TBC1D9: variants seen among roughly 807,000 people sequenced by gnomAD.
TBC1D9 encodes the protein TBC1 domain family member 9A.
A neutral mutation model predicts 132.0 loss-of-function variants in TBC1D9; 63 were observed. That is an observed-to-expected ratio of 0.48 (90% CI 0.39 to 0.59). TBC1D9 has a LOEUF of 0.59. Ranked by LOEUF, TBC1D9 falls within the 20% of genes least tolerant of loss-of-function variation. The pLI, the probability that TBC1D9 is intolerant of heterozygous loss-of-function variation, is 0.00. For missense variants in TBC1D9, 1,261 were observed against 1,592.7 expected, an observed-to-expected ratio of 0.79 and a Z score of 3.54; for synonymous variants, 610 against 609.9, an observed-to-expected ratio of 1.00 and a Z score of 0.00.
chr4:140,628,412 T>A, intron 16 of TBC1D9, 47 bp from the exon 17 acceptor site: 1 of 1,512,564 alleles, frequency 6.6e-7, no homozygotes, highest in Non-Finnish European at 9.2e-7. Flanking sequence ...CATGTGCTAA[T>A]AAACTCCAGG....
At chr4:140,680,390 A>G (rs1172495825) in intron 3 of TBC1D9, among the ~76,000 whole-genome samples, 1 of 152,174 alleles carries the variant, frequency 6.6e-6, no homozygotes, top group Non-Finnish European at 1.5e-5. Context: ...ATTATATTAG[A>G]TGCAGGATTT....
At chr4:140,685,998 C>T (rs1490632665) in intron 3 of TBC1D9, among the ~76,000 whole-genome samples, 1 of 152,128 alleles carries the variant, frequency 6.6e-6, no homozygotes, top group Non-Finnish European at 1.5e-5. Context: ...ATGTTACCAA[C>T]ACATAGAAAT....
Position 140,669,693 on chromosome 4 carries a change from T to G in TBC1D9, c.1378A>C (p.Thr460Pro). The G allele has an allele frequency of 6.2e-7, 1 of 1,613,990 alleles. No individual in the cohort carries two copies. The highest frequency in any genetic ancestry group is 1.1e-5 in the South Asian group (1 of 91,070). ...CGATACATGGTCATCAGGGTCTGTG[T>G]GGCTGTGGGGACGCTGTTGCCATTT... ...NLNGNSVPTA[T>P]QTLMTMYRRR... The change falls in exon 8 of 21, where the codon ACA (threonine) becomes CCA (proline). Residue 460 changes from threonine (T) to proline (P), a missense_variant. Physicochemically the swap from Thr to Pro is conservative, Grantham distance 38. This residue lies in a region of TBC1D9 where 550 missense variants were observed against 699.0 expected (regional missense o/e 0.79). Coordinates refer to ENST00000442267, the MANE Select transcript of TBC1D9 (RefSeq NM_015130.3).
chr4:140,666,120 C>T lies in TBC1D9; in HGVS notation c.1588+2797G>A, dbSNP rs138410890. On this transcript the variant is annotated intron_variant, in intron 9 of 20. Transcript: ENST00000442267. ...GTCCATACAATGATATAATATTTGG[C>T]CATAAAAAGGAATGAAATGCTGATA... Among the ~76,000 whole-genome samples, 831 of 152,182 alleles carry T rather than the reference C, an allele frequency of 5.5e-3. 3 individuals are homozygous for T. The highest frequency in any genetic ancestry group is 7.1e-3 in the Non-Finnish European group (484 of 68,012).
intron 6 of TBC1D9, among the ~76,000 whole-genome samples, chr4:140,671,934 A>G (rs1212258485): frequency 1.3e-5 from 2 of 152,062 alleles, no homozygotes; most frequent in African/African-American, 4.8e-5. Context: ...TCCCTTCTTC[A>G]TTTCTACTGC....
intron 1 of TBC1D9, among the ~76,000 whole-genome samples, chr4:140,720,845 T>C (rs905453324): frequency 8.5e-5 from 13 of 152,234 alleles, no homozygotes; most frequent in Admixed American, 3.9e-4. Flanking sequence ...TATTTTCTGT[T>C]TGTTCTCTGG....
chr4:140,752,530 G>T (rs1738942286), intron 1 of TBC1D9, among the ~76,000 whole-genome samples: 1 of 151,286 alleles, frequency 6.6e-6, no homozygotes, highest in South Asian at 2.1e-4. Flanking sequence ...CATTAGCAGT[G>T]TTCTATATTT....
At position 140,679,947 on chromosome 4, in the gene TBC1D9, T is replaced by C. The variant is rs1737680036; in HGVS notation, c.361-104A>G. 5 of 815,634 alleles carry C rather than the reference T, an allele frequency of 6.1e-6. No homozygotes were observed. The East Asian group carries it at 1.1e-4, about 18-fold the overall frequency. The allele number at this position is 815,634 out of a possible 1,614,324, so 50.5% of individuals were successfully genotyped here. A position where few individuals can be genotyped will look rare whatever the true frequency, so the allele number is the denominator to read the frequency against. On this transcript the variant is annotated intron_variant, in intron 3 of 20. Transcript: ENST00000442267. ...CTAAGGCTAGAATTAAAAAAAAAAA[T>C]TGAGGAATGCCCTTCAATGGCAACC... is the stretch of plus-strand genomic sequence containing the variant.
At chr4:140,749,102 A>G (rs1022660612) in intron 1 of TBC1D9, among the ~76,000 whole-genome samples, 6 of 152,136 alleles carry the variant, frequency 3.9e-5, no homozygotes, top group African/African-American at 1.4e-4. Context: ...GCAGTGACTG[A>G]CACCTCTAAT....
At chr4:140,637,480 C>T (rs1736899493) in intron 15 of TBC1D9, among the ~76,000 whole-genome samples, 1 of 152,178 alleles carries the variant, frequency 6.6e-6, no homozygotes, top group Admixed American at 6.5e-5. Context: ...ACAGTCCTTT[C>T]TCTTACCTGT....
chr4:140,739,358 T>A lies in TBC1D9; in HGVS notation c.130+16558A>T, dbSNP rs150718910. On this transcript the variant is annotated intron_variant, in intron 1 of 20. Transcript: ENST00000442267. ...GCTTTCTAAAGGATGCACTGTAAGATCATCTTCCTCCCTCCTTTTGTAAAA... is the reference window on the plus strand; with the variant it reads ...GCTTTCTAAAGGATGCACTGTAAGAACATCTTCCTCCCTCCTTTTGTAAAA... 7.0e-3 allele frequency among the ~76,000 whole-genome samples: 1,064 copies of A among 152,292 alleles called. 9 individuals are homozygous for A. The highest frequency in any genetic ancestry group is 0.012 in the Non-Finnish European group (848 of 68,020).
At chr4:140,658,849 A>C (rs1215421900) in intron 11 of TBC1D9, among the ~76,000 whole-genome samples, 3 of 152,236 alleles carry the variant, frequency 2.0e-5, no homozygotes, top group East Asian at 1.9e-4. Flanking sequence ...CATGGTGCCC[A>C]CAGATTAATC....
chr4:140,626,293 C>T (rs55902057), intron 18 of TBC1D9, among the ~76,000 whole-genome samples: 34,930 of 152,036 alleles, frequency 0.23, 5,404 homozygotes, highest in African/African-American at 0.44. Flanking sequence ...CTATCATCTC[C>T]ATTCTCCACA....
At position 140,722,159 on chromosome 4, in the gene TBC1D9, G is replaced by A. The variant is rs1297585944; in HGVS notation, c.131-20545C>T. Among the ~76,000 whole-genome samples, 3 of 152,298 alleles carry A rather than the reference G, an allele frequency of 2.0e-5. No individual in the cohort carries two copies. The East Asian group carries it at 5.8e-4, about 29-fold the overall frequency. On this transcript the variant is annotated intron_variant, in intron 1 of 20. Transcript: ENST00000442267. ...GTGAGAAAATGTTTACTCAGACCAA[G>A]CTTCAACCATAATAGCTTCAAATGG...
intron 1 of TBC1D9, among the ~76,000 whole-genome samples, chr4:140,715,536 C>G (rs1281528554): frequency 2.0e-5 from 3 of 152,186 alleles, no homozygotes; most frequent in Admixed American, 6.5e-5. Flanking sequence ...TCTGGATAGG[C>G]TCTTTGAGTA....
At chr4:140,644,792 C>G (rs919940254) in intron 13 of TBC1D9, 1 of 403,882 alleles carries the variant, frequency 2.5e-6, no homozygotes, top group Non-Finnish European at 4.9e-6. Context: ...AGGGGCAGCA[C>G]GGTGGCCCGC....
At position 140,679,751 on chromosome 4, in the gene TBC1D9, C is replaced by G. The variant is rs1317216860; in HGVS notation, c.453G>C (p.Leu151=). ...FKEAIVKFHR[L]FGMPEEEKLV... is the part of the protein sequence containing the mutation. The stretch of plus-strand genomic sequence containing the variant: ...GTTTCTCTTCCTCTGGCATCCCAAA[C>G]AGCCTATGAAATTTCACAATGGCTT... The change falls in exon 4 of 21, where the codon CTG becomes CTC. Residue 151 remains leucine, a synonymous_variant. Transcript: ENST00000442267. 1 of 1,613,840 alleles carries G rather than the reference C, an allele frequency of 6.2e-7. No individual in the cohort carries two copies. The highest frequency in any genetic ancestry group is 8.5e-7 in the Non-Finnish European group (1 of 1,179,818).
At chr4:140,642,354 C>CT in intron 13 of TBC1D9, 1 of 830,388 alleles carries the variant, frequency 1.2e-6, no homozygotes, top group Non-Finnish European at 2.0e-6. Flanking sequence ...TTTGGCGGCC[C>CT]TTTTGTGTTT....
chr4:140,631,849 G>A (rs1273643670), intron 16 of TBC1D9, among the ~76,000 whole-genome samples: 3 of 152,030 alleles, frequency 2.0e-5, no homozygotes, highest in Non-Finnish European at 2.9e-5. Flanking sequence ...CACCCACCTC[G>A]GCCTCCCAAA....
Sources: allele counts gnomAD v4.1 joint callset (sites outside exome capture counted in the v4.1 genomes callset), GRCh38; gene constraint gnomAD v4.1.1; regional missense constraint gnomAD v4.1.1; transcripts MANE v1.5; gene names NCBI Gene and HGNC (gene_info 2026-07-23, HGNC 2026-07-21).